Variants in DSTN observed in about 807,000 individuals in gnomAD.
DSTN encodes destrin.
In DSTN, 10 loss-of-function variants were observed where a neutral mutation model predicts 16.8. The ratio of observed to expected loss-of-function variants is 0.60; its 90% CI spans 0.37 to 1.01. The LOEUF is 1.01. DSTN is among the 50% of genes least tolerant of loss of function. The probability of loss-of-function intolerance (pLI) is 0.01; values close to 1 mark genes in which losing one functional copy is unlikely to be tolerated. For synonymous variants in DSTN, 57 were observed against 58.9 expected, an observed-to-expected ratio of 0.97 and a Z score of 0.14; for missense variants, 141 against 196.7, an observed-to-expected ratio of 0.72 and a Z score of 1.69.
intron 1 of DSTN, among the ~76,000 whole-genome samples, chr20:17,570,746 G>A (rs1195847522): frequency 1.3e-5 from 2 of 152,238 alleles, no homozygotes; most frequent in East Asian, 3.9e-4. Context: ...AGCACGGAAT[G>A]ATCGCTAACG....
At chr20:17,604,723 A>C in intron 3 of DSTN, 92 bp downstream of exon 3, 1 of 1,209,840 alleles carries the variant, frequency 8.3e-7, no homozygotes, top group Non-Finnish European at 1.2e-6. Context: ...ATTTTTTTGC[A>C]GAGCTTCGGG....
chr20:17,578,805 T>C (rs2035309350), intron 1 of DSTN, among the ~76,000 whole-genome samples: 1 of 151,612 alleles, frequency 6.6e-6, no homozygotes, highest in South Asian at 2.1e-4. Context: ...CTGCTAAAAA[T>C]ACAAAATTAG....
chr20:17,589,147 C>CAAGAA (rs1437913552), intron 1 of DSTN, among the ~76,000 whole-genome samples: 1 of 151,790 alleles, frequency 6.6e-6, no homozygotes, highest in East Asian at 1.9e-4. Flanking sequence ...CTTTTTAATC[C>CAAGAA]CATTTTTATA....
At chr20:17,606,660 G>A (rs1381506576) in intron 3 of DSTN, among the ~76,000 whole-genome samples, 1 of 152,196 alleles carries the variant, frequency 6.6e-6, no homozygotes, top group Non-Finnish European at 1.5e-5. Flanking sequence ...CTAATGACCA[G>A]CACCCCAGAA....
rs969678667 is a variant in DSTN, at chr20:17,570,124, G to T, written c.-85G>T. On this transcript the variant is annotated 5_prime_UTR_variant, in exon 1 of 4. Transcript: ENST00000246069. Reference sequence around the variant, plus strand: ...GCGTCAGCTCAGCGCTGGGTCTCTCGGTCCCGCAGCCGTGAGGAGGACGGT... The same window carrying T: ...GCGTCAGCTCAGCGCTGGGTCTCTCTGTCCCGCAGCCGTGAGGAGGACGGT... 1.5e-5 allele frequency: 22 copies of T among 1,505,996 alleles called. 1 individual carries two copies. In the African/African-American group the frequency reaches 2.9e-4, roughly 20 times the overall value. The allele number at this position is 1,505,996 out of a possible 1,614,324, so 93.3% of individuals were successfully genotyped here. A position where few individuals can be genotyped will look rare whatever the true frequency, so the allele number is the denominator to read the frequency against.
intron 1 of DSTN, among the ~76,000 whole-genome samples, chr20:17,574,840 CTTTCTTTTCTTTTTCT>C (rs1398838283): frequency 8.7e-5 from 8 of 92,298 alleles, no homozygotes; most frequent in South Asian, 4.4e-4. Context: ...TTTCTTTTTT[CTTTCTTTTCTTTTTCT>C]TTTCTTTTCT....
Position 17,607,509 on chromosome 20 carries a change from C to T in DSTN, c.*363C>T. On this transcript the variant is annotated 3_prime_UTR_variant, in exon 4 of 4. Coordinates refer to ENST00000246069, the MANE Select transcript of DSTN (RefSeq NM_006870.4). The stretch of plus-strand genomic sequence containing the variant: ...TTTGTTTCTTTTGCTTAGGAAATTG[C>T]TCATAATCTGGTTATAATTTTGGTC... The T allele has an allele frequency of 5.7e-6, 1 of 176,292 alleles. No homozygotes were observed. 10.9% of individuals were successfully genotyped at this position (176,292 alleles called of 1,614,324 possible).
At chr20:17,573,498 A>G (rs1398844832) in intron 1 of DSTN, among the ~76,000 whole-genome samples, 2 of 152,014 alleles carry the variant, frequency 1.3e-5, no homozygotes, top group Non-Finnish European at 2.9e-5. Context: ...ATAATAGGCA[A>G]TTTCCATGTC....
intron 1 of DSTN, among the ~76,000 whole-genome samples, chr20:17,579,837 T>G (rs1422834569): frequency 1.3e-5 from 2 of 152,266 alleles, no homozygotes; most frequent in Non-Finnish European, 2.9e-5. Flanking sequence ...TTTGTCATCA[T>G]GTCTCATACA....
In DSTN at chr20:17,608,896, TG is replaced by T. The variant is rs1260151413; in HGVS notation, c.*1751del. On this transcript the variant is annotated 3_prime_UTR_variant, in exon 4 of 4. Transcript: ENST00000246069. ...CATACAATTATAATGTATTTTCTAC[TG>T]TAATTAGATACACAAATACCATTGT... is the stretch of plus-strand genomic sequence containing the variant. 3 of 152,190 alleles carry T rather than the reference TG, an allele frequency of 2.0e-5. No individual in the cohort carries two copies. Among genetic ancestry groups the T allele is most frequent in the Non-Finnish European group, 4.4e-5 (3 of 68,040 alleles). 9.4% of individuals were successfully genotyped at this position (152,190 alleles called of 1,614,324 possible).
chr20:17,589,218 A>G (rs1320392382), intron 1 of DSTN, among the ~76,000 whole-genome samples: 5 of 145,542 alleles, frequency 3.4e-5, no homozygotes, highest in African/African-American at 1.3e-4. Context: ...CCCTCCCCCT[A>G]CTTTTTTTTT....
intron 1 of DSTN, among the ~76,000 whole-genome samples, chr20:17,586,163 A>G (rs2035406302): frequency 6.6e-6 from 1 of 152,166 alleles, no homozygotes; most frequent in African/African-American, 2.4e-5. Flanking sequence ...ATGCTCATAA[A>G]TCCTTGAAAC....
At chr20:17,580,997 T>A (rs984470310) in intron 1 of DSTN, among the ~76,000 whole-genome samples, 1 of 152,178 alleles carries the variant, frequency 6.6e-6, no homozygotes, top group East Asian at 1.9e-4. Flanking sequence ...GAAAATAGAT[T>A]ATAGGCAAGA....
intron 3 of DSTN, among the ~76,000 whole-genome samples, chr20:17,605,933 T>C (rs1251238836): frequency 6.7e-6 from 1 of 149,238 alleles, no homozygotes; most frequent in Non-Finnish European, 1.5e-5. Flanking sequence ...TGAAACCCTG[T>C]CTCTACTAAA....
chr20:17,589,921 C>G (rs1019367946), intron 1 of DSTN, among the ~76,000 whole-genome samples: 1 of 152,124 alleles, frequency 6.6e-6, no homozygotes, highest in Non-Finnish European at 1.5e-5. Context: ...GTTAAAATAG[C>G]TTTCATCCTG....
intron 1 of DSTN, among the ~76,000 whole-genome samples, chr20:17,571,682 G>A (rs563071776): frequency 7.2e-5 from 11 of 152,198 alleles, no homozygotes; most frequent in Non-Finnish European, 1.6e-4. Flanking sequence ...GTCTGCTCTA[G>A]AGACTTCTGA....
intron 1 of DSTN, among the ~76,000 whole-genome samples, chr20:17,571,122 C>T (rs1369308550): frequency 6.6e-6 from 1 of 152,208 alleles, no homozygotes; most frequent in Non-Finnish European, 1.5e-5. Flanking sequence ...TCCCCCTTTA[C>T]ACTGTCACTC....
chr20:17,574,063 G>A (rs1351438520), intron 1 of DSTN, among the ~76,000 whole-genome samples: 1 of 152,064 alleles, frequency 6.6e-6, no homozygotes, highest in Non-Finnish European at 1.5e-5. Context: ...AATTAACTGG[G>A]CATGCTGGCA....
chr20:17,594,336 G>GT (rs1013435730), intron 1 of DSTN, among the ~76,000 whole-genome samples: 33 of 151,924 alleles, frequency 2.2e-4, no homozygotes, highest in Middle Eastern at 3.2e-3. Flanking sequence ...GTCCAGAAGG[G>GT]TTGGGCAGCC....
Sources: allele counts gnomAD v4.1 joint callset (sites outside exome capture counted in the v4.1 genomes callset), GRCh38; gene constraint gnomAD v4.1.1; transcripts MANE v1.5; gene names NCBI Gene and HGNC (gene_info 2026-07-23, HGNC 2026-07-21).